FAF1: variants seen among roughly 807,000 people sequenced by gnomAD.
FAF1 encodes Fas associated factor 1.
FAF1 carries 25 observed loss-of-function variants against 92.5 expected under a neutral mutation model. The ratio of observed to expected loss-of-function variants is 0.27; its 90% CI spans 0.20 to 0.38. FAF1 has a LOEUF of 0.38. Ranked by LOEUF, FAF1 falls within the 10% of genes least tolerant of loss-of-function variation. FAF1 has a pLI of 1.00. For missense variants in FAF1, 636 were observed against 793.3 expected (o/e 0.80, Z 2.38); for synonymous variants, 234 against 273.2 (o/e 0.86, Z 1.42).
At chr1:50,449,489 C>CTTTTTTTTT (rs373425527) in intron 18 of FAF1, among the ~76,000 whole-genome samples, 2 of 124,620 alleles carry the variant, frequency 1.6e-5, no homozygotes, top group Non-Finnish European at 1.7e-5. Context: ...CTTTTTCTTT[C>CTTTTTTTTT]TTTTTTTTTT....
chr1:50,675,338 C>T (rs1656072720), intron 7 of FAF1, among the ~76,000 whole-genome samples: 1 of 152,206 alleles, frequency 6.6e-6, no homozygotes, highest in Non-Finnish European at 1.5e-5. Flanking sequence ...GTCGAAAATG[C>T]AAATTTCAAG....
At chr1:50,753,207 T>C (rs1659938672) in intron 4 of FAF1, among the ~76,000 whole-genome samples, 1 of 152,222 alleles carries the variant, frequency 6.6e-6, no homozygotes, top group African/African-American at 2.4e-5. Flanking sequence ...AGAGAACCAC[T>C]AATTTGATTT....
intron 1 of FAF1, among the ~76,000 whole-genome samples, chr1:50,901,319 A>G (rs1375902846): frequency 6.6e-6 from 1 of 152,160 alleles, no homozygotes; most frequent in African/African-American, 2.4e-5. Flanking sequence ...TAAACAATGA[A>G]AGATCAATTA....
At chr1:50,914,287 G>A (rs1425942740) in intron 1 of FAF1, among the ~76,000 whole-genome samples, 1 of 152,086 alleles carries the variant, frequency 6.6e-6, no homozygotes, top group Admixed American at 6.5e-5. Flanking sequence ...AGGAAATTTG[G>A]TTTATGATAC....
chr1:50,638,318 TACTAAG>T (rs954626768), intron 8 of FAF1, among the ~76,000 whole-genome samples: 1 of 152,214 alleles, frequency 6.6e-6, no homozygotes, highest in African/African-American at 2.4e-5. Context: ...AACCTTACTG[TACTAAG>T]ACTAGCAGTA....
intron 1 of FAF1, among the ~76,000 whole-genome samples, chr1:50,920,221 A>T (rs1644951839): frequency 6.6e-6 from 1 of 151,424 alleles, no homozygotes; most frequent in Non-Finnish European, 1.5e-5. Context: ...GAATCGCTTG[A>T]GCCTGGGGGG....
At chr1:50,480,341 C>T (rs1274024498) in intron 17 of FAF1, among the ~76,000 whole-genome samples, 3 of 152,132 alleles carry the variant, frequency 2.0e-5, no homozygotes, top group African/African-American at 4.8e-5. Flanking sequence ...CAAAGACTGC[C>T]TTAATTTACT....
chr1:50,464,928 C>T (rs550283368), intron 18 of FAF1, among the ~76,000 whole-genome samples: 1 of 152,334 alleles, frequency 6.6e-6, no homozygotes, highest in African/African-American at 2.4e-5. Flanking sequence ...GGCCATTTAC[C>T]AAATACTTAG....
At chr1:50,789,395 A>T (rs1661485766) in intron 3 of FAF1, among the ~76,000 whole-genome samples, 1 of 152,164 alleles carries the variant, frequency 6.6e-6, no homozygotes, top group Non-Finnish European at 1.5e-5. Flanking sequence ...TCCACAGCTT[A>T]GTTCATTAGT....
At chr1:50,573,262 C>A (rs1428917650) in intron 12 of FAF1, among the ~76,000 whole-genome samples, 1 of 151,498 alleles carries the variant, frequency 6.6e-6, no homozygotes, top group Non-Finnish European at 1.5e-5. Context: ...CCATGCCCGG[C>A]TAATTTTTGT....
At chr1:50,588,512 TGTGG>T (rs1291664905) in intron 9 of FAF1, among the ~76,000 whole-genome samples, 3 of 152,236 alleles carry the variant, frequency 2.0e-5, no homozygotes, top group Admixed American at 2.0e-4. Context: ...GACCTTCACC[TGTGG>T]GTGTGGAGAG....
chr1:50,741,444 T>C (rs1375744493), intron 5 of FAF1, among the ~76,000 whole-genome samples: 2 of 152,224 alleles, frequency 1.3e-5, no homozygotes, highest in Admixed American at 6.5e-5. Context: ...TGAATTTTAT[T>C]TGAAATGTAA....
intron 7 of FAF1, among the ~76,000 whole-genome samples, chr1:50,705,436 T>C (rs1350293220): frequency 1.3e-5 from 2 of 152,202 alleles, no homozygotes; most frequent in African/African-American, 2.4e-5. Flanking sequence ...AGAGCAACCT[T>C]TCAAATAAAA....
At chr1:50,563,937 G>T (rs12118892) in intron 13 of FAF1, among the ~76,000 whole-genome samples, 14,065 of 152,152 alleles carry the variant, frequency 0.092, 834 homozygotes, top group African/African-American at 0.17. Context: ...CATCACAGGG[G>T]TTATGACATT....
rs141283739 is a variant in FAF1, at chr1:50,624,093, C to T, written c.745-27877G>A. ...GCTAGTGTTGCCACTAGAAAGACCA[C>T]GTAGTTCCGTGGCAGGCAGTCAAGT... On this transcript the variant is annotated intron_variant, in intron 8 of 18. Coordinates refer to ENST00000396153, the MANE Select transcript of FAF1 (RefSeq NM_007051.3). Among the ~76,000 whole-genome samples the T allele has an allele frequency of 2.6e-4, 39 of 152,314 alleles. 1 individual carries two copies. In the East Asian group the frequency reaches 5.8e-3, roughly 23 times the overall value.
At chr1:50,750,622 C>CT (rs200229291) in intron 4 of FAF1, among the ~76,000 whole-genome samples, 4,605 of 133,666 alleles carry the variant, frequency 0.034, 188 homozygotes, top group African/African-American at 0.11. Flanking sequence ...TTTTTCTTTT[C>CT]TTTTTTTTTT....
intron 15 of FAF1, among the ~76,000 whole-genome samples, chr1:50,518,443 CTT>C (rs747169544): frequency 1.1e-4 from 16 of 140,876 alleles, no homozygotes; most frequent in Non-Finnish European, 1.4e-4. Flanking sequence ...AAGTTTCTTT[CTT>C]TTTTTTTTTT....
chr1:50,758,448 T>C (rs902469973), intron 4 of FAF1, among the ~76,000 whole-genome samples: 2 of 152,278 alleles, frequency 1.3e-5, no homozygotes, highest in African/African-American at 4.8e-5. Context: ...CTATTCTTCA[T>C]GTTATTGTTG....
chr1:50,816,586 T>C (rs1295774722), intron 2 of FAF1, among the ~76,000 whole-genome samples: 1 of 152,184 alleles, frequency 6.6e-6, no homozygotes, highest in African/African-American at 2.4e-5. Context: ...TATTAGGCCT[T>C]TGTCAGGTGC....
Sources: allele counts gnomAD v4.1 joint callset (sites outside exome capture counted in the v4.1 genomes callset), GRCh38; gene constraint gnomAD v4.1.1; transcripts MANE v1.5; gene names NCBI Gene and HGNC (gene_info 2026-07-23, HGNC 2026-07-21).